CENATAC: variants seen among roughly 807,000 people sequenced by gnomAD.
CENATAC encodes the protein centrosomal AT-AC splicing factor.
CENATAC carries 53 observed loss-of-function variants against 53.7 expected under a neutral mutation model. The ratio of observed to expected loss-of-function variants is 0.99; its 90% CI spans 0.79 to 1.24. The LOEUF is 1.24. CENATAC is among the 50% of genes most tolerant of loss of function. The pLI, the probability that CENATAC is intolerant of heterozygous loss-of-function variation, is 0.00. For missense variants in CENATAC, 474 were observed against 417.8 expected (o/e 1.13, Z -1.17); for synonymous variants, 156 against 144.6 (o/e 1.08, Z -0.57).
At chr11:118,999,153 T>C (rs782028375) in intron 3 of CENATAC, 44 bp downstream of exon 3, 1 of 1,438,902 alleles carries the variant, frequency 6.9e-7, no homozygotes, top group South Asian at 1.1e-5. Context: ...GTGAATTCTC[T>C]GGATCTTTGT....
At position 119,015,270 on chromosome 11, in the gene CENATAC, A is replaced by T. The variant is rs782152065; in HGVS notation, c.806-37A>T. On this transcript the variant is annotated intron_variant, in intron 9 of 10. Transcript: ENST00000334418. ...GTGAGACCCCATCTCTATATTCTTC[A>T]ATAAAGAAAAATAAAAGTTTCCCTA... 1.7e-5 allele frequency: 26 copies of T among 1,568,546 alleles called. No individual in the cohort carries two copies. In the Admixed American group the frequency reaches 4.6e-4, roughly 28 times the overall value.
At chr11:119,012,322 T>C (rs1942907296) in intron 7 of CENATAC, 68 bp downstream of exon 7, 1 of 1,555,898 alleles carries the variant, frequency 6.4e-7, no homozygotes, top group Non-Finnish European at 8.8e-7. Context: ...TTTCTCCTGA[T>C]TTTCTACCTA....
At chr11:119,013,809 T>C (rs563217838) in intron 8 of CENATAC, among the ~76,000 whole-genome samples, 69 of 151,926 alleles carry the variant, frequency 4.5e-4, no homozygotes, top group Admixed American at 9.2e-4. Context: ...AGCGTATGTA[T>C]CGGTAAAAGC....
intron 3 of CENATAC, chr11:119,005,936 C>CT (rs1243577042): frequency 0.22 from 26,702 of 122,582 alleles, 3,257 homozygotes; most frequent in South Asian, 0.32. Flanking sequence ...ATTTGAGATG[C>CT]TTTTTTTTTT....
chr11:119,003,690 C>T (rs930092581), intron 3 of CENATAC: 68 of 162,680 alleles, frequency 4.2e-4, no homozygotes, highest in African/African-American at 1.6e-3. Context: ...ATGATCTTGG[C>T]TCACTGCAAC....
chr11:119,011,874 G>C, intron 5 of CENATAC, 65 bp from the exon 6 acceptor site: 1 of 1,414,578 alleles, frequency 7.1e-7, no homozygotes, highest in Non-Finnish European at 1.0e-6. Context: ...CTGGAGGGTG[G>C]AGGCATGGCC....
chr11:119,004,236 A>G (rs782821056), intron 3 of CENATAC, among the ~76,000 whole-genome samples: 1 of 151,790 alleles, frequency 6.6e-6, no homozygotes, highest in Non-Finnish European at 1.5e-5. Context: ...TAGATGACAT[A>G]CCATAATGAT....
At chr11:118,999,949 G>T (rs1441165835) in intron 3 of CENATAC, among the ~76,000 whole-genome samples, 1 of 152,126 alleles carries the variant, frequency 6.6e-6, no homozygotes, top group Non-Finnish European at 1.5e-5. Context: ...GCCAATTTTT[G>T]TATTTTTAGT....
intron 3 of CENATAC, chr11:119,001,561 A>C (rs1942298680): frequency 2.2e-6 from 1 of 451,106 alleles, no homozygotes; most frequent in African/African-American, 2.0e-5. Flanking sequence ...TAGTATCTAC[A>C]TATATTTTAT....
At chr11:119,014,914 G>A in intron 8 of CENATAC, 80 bp from the exon 9 acceptor site, 1 of 925,066 alleles carries the variant, frequency 1.1e-6, no homozygotes, top group South Asian at 1.6e-5. Flanking sequence ...AATGAGGAGA[G>A]GTAAGCTAAC....
chr11:119,002,983 A>T (rs1208953334), intron 3 of CENATAC: 1 of 489,172 alleles, frequency 2.0e-6, no homozygotes, highest in Non-Finnish European at 4.0e-6. Context: ...AGATATACAT[A>T]TATTTAGAAT....
chr11:119,002,224 CAA>C (rs782664366), intron 3 of CENATAC, among the ~76,000 whole-genome samples: 16 of 49,544 alleles, frequency 3.2e-4, no homozygotes, highest in Admixed American at 1.1e-3. Context: ...AACTCTGTCT[CAA>C]AAAAAAAAAA....
chr11:119,002,342 ATTTT>A (rs368309024), intron 3 of CENATAC, among the ~76,000 whole-genome samples: 3 of 136,398 alleles, frequency 2.2e-5, no homozygotes, highest in Non-Finnish European at 1.6e-5. Context: ...TAGAAAAAAG[ATTTT>A]TTTTTTTTTT....
intron 3 of CENATAC, among the ~76,000 whole-genome samples, chr11:119,008,482 A>G (rs2134552961): frequency 6.6e-6 from 1 of 152,274 alleles, no homozygotes; most frequent in South Asian, 2.1e-4. Flanking sequence ...AGTAAAGACT[A>G]CAAGGCAGTA....
intron 3 of CENATAC, among the ~76,000 whole-genome samples, chr11:119,006,238 CT>C (rs369673711): frequency 9.7e-4 from 123 of 126,926 alleles, no homozygotes; most frequent in Middle Eastern, 4.3e-3. Flanking sequence ...CACACCCAAC[CT>C]TTTTTTTTTT....
chr11:119,003,646 C>CAA (rs1432621638), intron 3 of CENATAC: 1 of 142,690 alleles, frequency 7.0e-6, no homozygotes, highest in African/African-American at 5.0e-5. Flanking sequence ...TTTTGGGAGA[C>CAA]AGAGTCTTGT....
intron 8 of CENATAC, among the ~76,000 whole-genome samples, chr11:119,013,620 C>T (rs970893481): frequency 3.3e-5 from 5 of 152,124 alleles, no homozygotes; most frequent in South Asian, 2.1e-4. Flanking sequence ...CCCGCCACTA[C>T]GCCCAGCTAA....
intron 4 of CENATAC, 27 bp downstream of exon 4, chr11:119,010,857 C>CTT: frequency 6.2e-7 from 1 of 1,604,172 alleles, no homozygotes; most frequent in African/African-American, 1.3e-5. Flanking sequence ...GTCCCTCACC[C>CTT]TTTTTGCACC....
chr11:119,011,273 C>G lies in CENATAC; in HGVS notation c.503C>G (p.Ser168Cys). Reference protein sequence around the residue: ...VEQSRQEVVRSVLEPQAVPDP... With the variant: ...VEQSRQEVVRCVLEPQAVPDP... ...CAGAGCCGACAGGAGGTGGTTCGGT[C>G]TGTCTTAGAGGTTGGTTTCCCTCGG... is the stretch of plus-strand genomic sequence containing the variant. Residue 168 changes from serine to cysteine, a missense_variant, in exon 5 of 11, where the codon TCT becomes TGT. Coordinates refer to ENST00000334418, the MANE Select transcript of CENATAC (RefSeq NM_198489.3). 1.9e-6 allele frequency: 3 copies of G among 1,614,094 alleles called. No individual in the cohort carries two copies. Among genetic ancestry groups the G allele is most frequent in the Non-Finnish European group, 1.7e-6 (2 of 1,179,976 alleles).
Sources: allele counts gnomAD v4.1 joint callset (sites outside exome capture counted in the v4.1 genomes callset), GRCh38; gene constraint gnomAD v4.1.1; transcripts MANE v1.5; gene names NCBI Gene and HGNC (gene_info 2026-07-23, HGNC 2026-07-21).